LMO3: variants seen among roughly 807,000 people sequenced by gnomAD.
LMO3 encodes the protein LIM domain only protein 3.
A neutral mutation model predicts 15.8 loss-of-function variants in LMO3; 2 were observed. The ratio of observed to expected loss-of-function variants is 0.13; its 90% CI spans 0.05 to 0.40. The LOEUF (loss-of-function observed/expected upper bound fraction) is 0.40, where lower values mean the gene tolerates loss of function less well. Ranked by LOEUF, LMO3 falls within the 10% of genes least tolerant of loss-of-function variation. The pLI is 0.99. For missense variants in LMO3, 86 were observed against 182.2 expected (o/e 0.47, Z 3.04); for synonymous variants, 62 against 63.8 (o/e 0.97, Z 0.13).
chr12:16,550,291 A>T lies in LMO3; in HGVS notation c.*931T>A, dbSNP rs1412056571. 1 of 152,456 alleles carries T rather than the reference A, an allele frequency of 6.6e-6. No homozygotes were observed. Among genetic ancestry groups the T allele is most frequent in the Non-Finnish European group, 1.5e-5 (1 of 67,900 alleles). 9.4% of individuals were successfully genotyped at this position (152,456 alleles called of 1,614,324 possible). On this transcript the variant is annotated 3_prime_UTR_variant, in exon 4 of 4. Transcript: ENST00000537304. ...TCTGGGCAGAATTTATACAAGAAGAAGTTTAATTTATCACTTAAAAATCAT... is the reference window on the plus strand; with the variant it reads ...TCTGGGCAGAATTTATACAAGAAGATGTTTAATTTATCACTTAAAAATCAT...
chr12:16,573,642 T>C lies in LMO3; in HGVS notation c.207-13104A>G, dbSNP rs574283535. On this transcript the variant is annotated intron_variant, in intron 2 of 3. Coordinates refer to ENST00000537304, the MANE Select transcript of LMO3 (RefSeq NM_018640.5). ...AAACAACTTGAAAAAGGGTTATACG[T>C]ATTTAGGAAATCTCTGAGGCTCCCT... The C allele has an allele frequency of 2.0e-5, 3 of 152,296 alleles. No individual in the cohort carries two copies. In the East Asian group the frequency reaches 5.8e-4, roughly 29 times the overall value. The allele number at this position is 152,296 out of a possible 1,614,324, so 9.4% of individuals were successfully genotyped here.
chr12:16,592,539 C>T (rs1054130114), intron 2 of LMO3, among the ~76,000 whole-genome samples: 1 of 151,952 alleles, frequency 6.6e-6, no homozygotes, highest in African/African-American at 2.4e-5. Context: ...CTAATACTTG[C>T]ATGAAGTTAC....
chr12:16,554,806 G>C (rs146023909), intron 3 of LMO3, among the ~76,000 whole-genome samples: 1 of 152,062 alleles, frequency 6.6e-6, no homozygotes, highest in African/African-American at 2.4e-5. Flanking sequence ...ACAGGCGCCC[G>C]CCACCTCGAC....
intron 2 of LMO3, among the ~76,000 whole-genome samples, chr12:16,574,756 T>C (rs747684655): frequency 6.6e-6 from 1 of 152,180 alleles, no homozygotes; most frequent in Non-Finnish European, 1.5e-5. Context: ...CTTCTATAAA[T>C]CTGTAATAGA....
chr12:16,578,981 T>C (rs73322834), intron 2 of LMO3, among the ~76,000 whole-genome samples: 1,621 of 152,252 alleles, frequency 0.011, 28 homozygotes, highest in African/African-American at 0.036. Context: ...GTATATTGCA[T>C]TGTTAAGGTC....
chr12:16,555,566 T>C lies in LMO3; in HGVS notation c.333-4239A>G, dbSNP rs1356171822. On this transcript the variant is annotated intron_variant, in intron 3 of 3. Coordinates refer to ENST00000537304, the MANE Select transcript of LMO3 (RefSeq NM_018640.5). The surrounding 1 kb of genome is among the most constrained non-coding windows in gnomAD (Gnocchi z 5.5). ...AACCAACAGCTTTAAATAACAAATG[T>C]ATTTTAGATGACTAATTTAAATTTG... Among the ~76,000 whole-genome samples, 2 of 152,252 alleles carry C rather than the reference T, an allele frequency of 1.3e-5. No individual in the cohort carries two copies. Among genetic ancestry groups the C allele is most frequent in the Admixed American group, 6.5e-5 (1 of 15,284 alleles).
rs1328055197 is a variant in LMO3, at chr12:16,598,497, G to A, written c.206+2158C>T. The stretch of plus-strand genomic sequence containing the variant: ...TGAGAAATGAATATATTGGCAATCA[G>A]GACCAGGGTTTATATTTGAAAGAAT... On this transcript the variant is annotated intron_variant, in intron 2 of 3. Coordinates refer to ENST00000537304, the MANE Select transcript of LMO3 (RefSeq NM_018640.5). The surrounding 1 kb of genome is among the most constrained non-coding windows in gnomAD (Gnocchi z 4.3). The A allele has an allele frequency of 6.6e-6, 1 of 152,010 alleles. No individual in the cohort carries two copies. The highest frequency in any genetic ancestry group is 1.9e-4 in the East Asian group (1 of 5,178). The allele number at this position is 152,010 out of a possible 1,614,324, so 9.4% of individuals were successfully genotyped here.
rs556139387 is a variant in LMO3, at chr12:16,591,699, C to G, written c.206+8956G>C. Among the ~76,000 whole-genome samples, 1 of 152,108 alleles carries G rather than the reference C, an allele frequency of 6.6e-6. No individual in the cohort carries two copies. Among genetic ancestry groups the G allele is most frequent in the African/African-American group, 2.4e-5 (1 of 41,530 alleles). ...AGGGGTGTCAATTATTGATAACTTA[C>G]TGATATCTGTGATAAGAGATGGAAC... On this transcript the variant is annotated intron_variant, in intron 2 of 3. Coordinates refer to ENST00000537304, the MANE Select transcript of LMO3 (RefSeq NM_018640.5). The surrounding 1 kb of genome is among the most constrained non-coding windows in gnomAD (Gnocchi z 4.1).
At chr12:16,602,663 G>C (rs1943860603) in intron 1 of LMO3, among the ~76,000 whole-genome samples, 1 of 152,016 alleles carries the variant, frequency 6.6e-6, no homozygotes, top group Admixed American at 6.6e-5. Flanking sequence ...CATAACCCTT[G>C]ATAGCTCTGC....
rs1466985963 is a variant in LMO3 at position 16,603,729 on chromosome 12, G to A, written c.-9+2337C>T. Reference sequence around the variant, plus strand: ...GGATTGCATTGTGAAGCGGCCTAACGGTTGATTGCCTCCATTATGTTCCCT... The same window carrying A: ...GGATTGCATTGTGAAGCGGCCTAACAGTTGATTGCCTCCATTATGTTCCCT... On this transcript the variant is annotated intron_variant, in intron 1 of 3. Coordinates refer to ENST00000537304, the MANE Select transcript of LMO3 (RefSeq NM_018640.5). This position sits in a 1 kb window ranked among gnomAD's most constrained non-coding sequence, Gnocchi z 4.9. 1.3e-5 allele frequency among the ~76,000 whole-genome samples: 2 copies of A among 152,142 alleles called. No individual in the cohort carries two copies. The highest frequency in any genetic ancestry group is 2.4e-5 in the African/African-American group (1 of 41,410).
chr12:16,554,885 C>T (rs1045741043), intron 3 of LMO3, among the ~76,000 whole-genome samples: 3 of 152,130 alleles, frequency 2.0e-5, no homozygotes, highest in African/African-American at 7.2e-5. Flanking sequence ...GTCTCGATCT[C>T]CCAACCTCGT....
Position 16,550,393 on chromosome 12 carries a change from C to T in LMO3, c.*829G>A, listed in dbSNP as rs190201837. ...CGTGATACCCAAAGGCACTAGTTCA[C>T]ATAAGGGGTGTGGCTGAAAAAGCAA... On this transcript the variant is annotated 3_prime_UTR_variant, in exon 4 of 4. Transcript: ENST00000537304. The T allele has an allele frequency of 1.1e-4, 16 of 152,340 alleles. No individual in the cohort carries two copies. Among genetic ancestry groups the T allele is most frequent in the Admixed American group, 7.9e-4 (12 of 15,250 alleles). 9.4% of individuals were successfully genotyped at this position (152,340 alleles called of 1,614,324 possible).
chr12:16,566,249 G>A (rs1271174445), intron 2 of LMO3, among the ~76,000 whole-genome samples: 1 of 151,394 alleles, frequency 6.6e-6, no homozygotes, highest in Non-Finnish European at 1.5e-5. Flanking sequence ...GGGAAAGGGA[G>A]CAGAGAGGGA....
At chr12:16,600,311 A>G (rs906131881) in intron 2 of LMO3, 14 of 163,852 alleles carry the variant, frequency 8.5e-5, no homozygotes, top group East Asian at 3.5e-4. Context: ...AAAAAAAAAA[A>G]AAAAGAAAAA....
intron 2 of LMO3, among the ~76,000 whole-genome samples, chr12:16,564,935 A>G (rs1244551661): frequency 6.6e-6 from 1 of 152,072 alleles, no homozygotes; most frequent in Admixed American, 6.6e-5. Context: ...ACAAGTGCAT[A>G]TCAACAGACT....
rs1369402593 is a variant in LMO3, at chr12:16,597,146, G to T, written c.206+3509C>A. ...AGATATGTACATTTTATGTTCCACA[G>T]CTAAATGAATGATATGCCAGTCCAG... On this transcript the variant is annotated intron_variant, in intron 2 of 3. Transcript: ENST00000537304. This position sits in a 1 kb window ranked among gnomAD's most constrained non-coding sequence, Gnocchi z 5.0. Among the ~76,000 whole-genome samples the T allele has an allele frequency of 1.3e-5, 2 of 151,684 alleles. No homozygotes were observed. Among genetic ancestry groups the T allele is most frequent in the Non-Finnish European group, 3.0e-5 (2 of 67,708 alleles).
At chr12:16,565,123 T>C (rs766280328) in intron 2 of LMO3, among the ~76,000 whole-genome samples, 9 of 152,170 alleles carry the variant, frequency 5.9e-5, no homozygotes, top group Non-Finnish European at 4.4e-5. Context: ...TAAGACTAGT[T>C]TAGTTATAAT....
chr12:16,577,364 A>G (rs1943026684), intron 2 of LMO3, among the ~76,000 whole-genome samples: 2 of 152,286 alleles, frequency 1.3e-5, no homozygotes, highest in Admixed American at 1.3e-4. Context: ...CTCCTAAATA[A>G]GCTGAGTTAT....
At chr12:16,551,563 A>G (rs532966302) in intron 3 of LMO3, among the ~76,000 whole-genome samples, 2 of 151,566 alleles carry the variant, frequency 1.3e-5, no homozygotes, top group African/African-American at 4.8e-5. Flanking sequence ...GGATATTGAG[A>G]TAAACACTTT....
Sources: allele counts gnomAD v4.1 joint callset (sites outside exome capture counted in the v4.1 genomes callset), GRCh38; gene constraint gnomAD v4.1.1; non-coding constraint Gnocchi (gnomAD v3.1); transcripts MANE v1.5; gene names NCBI Gene and HGNC (gene_info 2026-07-23, HGNC 2026-07-21).